The following SCFD2 variants were observed in gnomAD, a reference collection of about 807,000 sequenced individuals.
The protein encoded by SCFD2 is sec1 family domain containing 2, also known as sec1 family domain-containing protein 2.
A neutral mutation model predicts 58.9 loss-of-function variants in SCFD2; 54 were observed. That is an observed-to-expected ratio of 0.92 (90% CI 0.74 to 1.15). The LOEUF (loss-of-function observed/expected upper bound fraction) is 1.15, where lower values mean the gene tolerates loss of function less well. Among genes scored for constraint, SCFD2 ranks in the 50% most tolerant of loss-of-function variants. The pLI, the probability that SCFD2 is intolerant of heterozygous loss-of-function variation, is 0.00. For synonymous variants in SCFD2, 321 were observed against 335.9 expected (o/e 0.96, Z 0.49); for missense variants, 805 against 836.6 (o/e 0.96, Z 0.47).
At chr4:53,139,404 T>C (rs6833592) in intron 5 of SCFD2, among the ~76,000 whole-genome samples, 98,252 of 127,986 alleles carry the variant, frequency 0.77, 36,654 homozygotes, top group African/African-American at 0.83. Context: ...TCTTCCCGGC[T>C]GCCGGCCGTC....
At chr4:53,253,754 GGGGA>G (rs1231010643) in intron 4 of SCFD2, among the ~76,000 whole-genome samples, 1 of 103,016 alleles carries the variant, frequency 9.7e-6, no homozygotes, top group Non-Finnish European at 1.8e-5. Flanking sequence ...TGGGGGGAGG[GGGGA>G]GGGATTGCAT....
At chr4:53,336,312 T>A (rs1435617887) in intron 2 of SCFD2, among the ~76,000 whole-genome samples, 1 of 152,040 alleles carries the variant, frequency 6.6e-6, no homozygotes, top group African/African-American at 2.4e-5. Flanking sequence ...AAAAAGAAAG[T>A]GATATTATTC....
intron 5 of SCFD2, among the ~76,000 whole-genome samples, chr4:53,107,374 C>T (rs564983271): frequency 6.6e-5 from 10 of 152,226 alleles, no homozygotes; most frequent in Admixed American, 4.6e-4. Flanking sequence ...TCACACATAA[C>T]GATATTAACC....
intron 5 of SCFD2, among the ~76,000 whole-genome samples, chr4:53,057,250 G>C (rs1386515610): frequency 1.3e-5 from 2 of 152,088 alleles, no homozygotes; most frequent in African/African-American, 4.8e-5. Flanking sequence ...CAAAGACATG[G>C]AACCAACCCA....
chr4:53,336,469 T>C (rs1449418913), intron 2 of SCFD2, among the ~76,000 whole-genome samples: 2 of 152,166 alleles, frequency 1.3e-5, no homozygotes, highest in African/African-American at 4.8e-5. Context: ...AACTAACCTC[T>C]ATAAACCCCA....
chr4:52,936,405 G>GA (rs972902846), intron 5 of SCFD2, among the ~76,000 whole-genome samples: 3 of 152,104 alleles, frequency 2.0e-5, no homozygotes, highest in African/African-American at 4.8e-5. Context: ...CAGCAGAGGG[G>GA]AAAAAACCTG....
intron 5 of SCFD2, among the ~76,000 whole-genome samples, chr4:53,003,652 GCA>G (rs1320979197): frequency 4.6e-5 from 7 of 152,210 alleles, no homozygotes; most frequent in African/African-American, 1.4e-4. Flanking sequence ...TACAGAAATT[GCA>G]CAGAGGGAGA....
At chr4:53,301,322 C>G (rs1424869501) in intron 3 of SCFD2, among the ~76,000 whole-genome samples, 1 of 152,146 alleles carries the variant, frequency 6.6e-6, no homozygotes, top group Non-Finnish European at 1.5e-5. Context: ...CTATAAACAC[C>G]TCTATGCAAA....
chr4:53,213,914 T>C (rs1240444433), intron 4 of SCFD2, among the ~76,000 whole-genome samples: 2 of 152,056 alleles, frequency 1.3e-5, no homozygotes, highest in Non-Finnish European at 2.9e-5. Context: ...TGTTTGGTTT[T>C]TTGTCCTTGC....
intron 2 of SCFD2, among the ~76,000 whole-genome samples, chr4:53,317,010 G>A (rs1404927840): frequency 6.6e-6 from 1 of 151,782 alleles, no homozygotes; most frequent in Non-Finnish European, 1.5e-5. Context: ...AGGAGGTTGA[G>A]GCAGGAGAAT....
intron 4 of SCFD2, among the ~76,000 whole-genome samples, chr4:53,162,110 A>T (rs1726870173): frequency 6.6e-6 from 1 of 152,102 alleles, no homozygotes; most frequent in African/African-American, 2.4e-5. Context: ...CAAATATTTC[A>T]CAGAATGTAC....
Position 53,271,435 on chromosome 4 carries a change from C to CTTTATTTATTTATTTA in SCFD2, c.1311+2375_1311+2390dup, listed in dbSNP as rs10524620. Among the ~76,000 whole-genome samples the CTTTATTTATTTATTTA allele has an allele frequency of 8.7e-4, 121 of 139,504 alleles. 2 individuals are homozygous for CTTTATTTATTTATTTA. Among genetic ancestry groups the CTTTATTTATTTATTTA allele is most frequent in the South Asian group, 2.6e-3 (11 of 4,214 alleles). 91.5% of individuals were successfully genotyped at this position (139,504 alleles called of 152,430 possible). A position where few individuals can be genotyped will look rare whatever the true frequency, so the allele number is the denominator to read the frequency against. On this transcript the variant is annotated intron_variant, in intron 4 of 8. Coordinates refer to ENST00000401642, the MANE Select transcript of SCFD2 (RefSeq NM_152540.4). Reference sequence around the variant, plus strand: ...GAATGAGCTAGATCTACATACATCACTTTATTTATTTATTTATTTATTTAT... The same window carrying CTTTATTTATTTATTTA: ...GAATGAGCTAGATCTACATACATCACTTTATTTATTTATTTATTTATTTATTTATTTATTTATTTAT...
chr4:53,168,228 A>G (rs1209601755), intron 4 of SCFD2, among the ~76,000 whole-genome samples: 1 of 152,180 alleles, frequency 6.6e-6, no homozygotes, highest in Non-Finnish European at 1.5e-5. Flanking sequence ...GGGAGAACTG[A>G]ATCTGCAATT....
chr4:53,003,452 A>C (rs1560507055), intron 5 of SCFD2, among the ~76,000 whole-genome samples: 1 of 152,236 alleles, frequency 6.6e-6, no homozygotes, highest in Admixed American at 6.5e-5. Flanking sequence ...AGCAGCTATC[A>C]TACTGGGTAA....
At chr4:53,251,862 C>T (rs1163219924) in intron 4 of SCFD2, among the ~76,000 whole-genome samples, 160 of 151,158 alleles carry the variant, frequency 1.1e-3, no homozygotes, top group Non-Finnish European at 1.4e-3. Flanking sequence ...CTATTCAACA[C>T]AGTGTTGGAA....
At chr4:53,357,094 C>T (rs1734423183) in intron 1 of SCFD2, among the ~76,000 whole-genome samples, 1 of 151,896 alleles carries the variant, frequency 6.6e-6, no homozygotes, top group South Asian at 2.1e-4. Flanking sequence ...TCCCCTATTC[C>T]TTGAGTAATA....
At chr4:53,099,844 C>T (rs1309649062) in intron 5 of SCFD2, among the ~76,000 whole-genome samples, 1 of 152,136 alleles carries the variant, frequency 6.6e-6, no homozygotes, top group Non-Finnish European at 1.5e-5. Flanking sequence ...AGGGGTCAAA[C>T]ATCCAAACCA....
intron 5 of SCFD2, among the ~76,000 whole-genome samples, chr4:53,123,743 C>T (rs1299115396): frequency 6.6e-6 from 1 of 152,190 alleles, no homozygotes; most frequent in East Asian, 1.9e-4. Flanking sequence ...GATGATGTCT[C>T]AAAGGAAAGT....
At chr4:53,019,148 G>A (rs184805439) in intron 5 of SCFD2, among the ~76,000 whole-genome samples, 1 of 152,256 alleles carries the variant, frequency 6.6e-6, no homozygotes, top group Admixed American at 6.5e-5. Flanking sequence ...TTCTCCTAAG[G>A]AAGTAATCAA....
Sources: gnomAD v4.1 joint callset for allele counts (sites outside exome capture counted in the v4.1 genomes callset) on GRCh38, gnomAD v4.1.1 for gene constraint, MANE v1.5 for transcripts, NCBI Gene and HGNC (gene_info 2026-07-23, HGNC 2026-07-21) for gene names.